Variants in MAP3K13 observed in about 807,000 individuals in gnomAD.
The protein encoded by MAP3K13 is mitogen-activated protein kinase kinase kinase 13, also known as leucine zipper-bearing kinase.
Under a neutral mutation model 104.0 loss-of-function variants are expected in MAP3K13, and 52 were observed. The observed-to-expected ratio is 0.50, with a 90% CI of 0.40 to 0.63. The LOEUF (loss-of-function observed/expected upper bound fraction) is 0.63, where lower values mean the gene tolerates loss of function less well. Ranked by LOEUF, MAP3K13 falls within the 20% of genes least tolerant of loss-of-function variation. The pLI is 0.00. For missense variants in MAP3K13, 914 were observed against 1,218.5 expected, an observed-to-expected ratio of 0.75 and a Z score of 3.72; for synonymous variants, 394 against 442.2, an observed-to-expected ratio of 0.89 and a Z score of 1.37.
At chr3:185,437,032 A>G (rs4456882) in intron 2 of MAP3K13, among the ~76,000 whole-genome samples, 10 of 107,884 alleles carry the variant, frequency 9.3e-5, no homozygotes, top group Non-Finnish European at 1.7e-4. Flanking sequence ...AAAAAAAAAA[A>G]TTAGCAAAGA....
In MAP3K13 at chr3:185,480,216, T is replaced by C. The variant is rs926183457; in HGVS notation, c.2502-16T>C. 8.1e-6 allele frequency: 13 copies of C among 1,607,450 alleles called. No homozygotes were observed. The highest frequency in any genetic ancestry group is 1.7e-5 in the Admixed American group (1 of 59,646). ...TGTTCCTCTGACTAAGTTCTCCTGG[T>C]TCTTCTTGGTTCTAGGCCCCATCGC... On this transcript the variant is annotated splice_polypyrimidine_tract_variant and intron_variant, in intron 12 of 13. Coordinates refer to ENST00000265026, the MANE Select transcript of MAP3K13 (RefSeq NM_004721.5).
intron 2 of MAP3K13, among the ~76,000 whole-genome samples, chr3:185,436,253 C>T (rs1430485358): frequency 1.3e-5 from 2 of 152,112 alleles, no homozygotes; most frequent in South Asian, 4.1e-4. Flanking sequence ...ATATGAAGCA[C>T]TAATAATGCC....
At chr3:185,338,026 G>A (rs1722575784) in intron 2 of MAP3K13, among the ~76,000 whole-genome samples, 1 of 152,010 alleles carries the variant, frequency 6.6e-6, no homozygotes, top group African/African-American at 2.4e-5. Flanking sequence ...GAGACCCATA[G>A]GAATAAACAT....
chr3:185,424,635 A>G (rs1714313251), intron 1 of MAP3K13, among the ~76,000 whole-genome samples: 1 of 152,240 alleles, frequency 6.6e-6, no homozygotes, highest in South Asian at 2.1e-4. Flanking sequence ...CAGGGAAATG[A>G]GCAAACACTA....
In MAP3K13 at chr3:185,418,447, C is replaced by T; in HGVS notation, c.-85-10050C>T. On this transcript the variant is annotated intron_variant, in intron 1 of 13. Coordinates refer to ENST00000265026, the MANE Select transcript of MAP3K13 (RefSeq NM_004721.5). The surrounding 1 kb of genome is among the most constrained non-coding windows in gnomAD (Gnocchi z 4.5). ...TTGGGTTGTGTTCACTCTACGATGC[C>T]AACGGCGCCAGGTTTTGGTTGGTGC... 1 of 1,610,586 alleles carries T rather than the reference C, an allele frequency of 6.2e-7. No homozygotes were observed. Among genetic ancestry groups the T allele is most frequent in the East Asian group, 2.2e-5 (1 of 44,878 alleles).
At position 185,428,600 on chromosome 3, in the gene MAP3K13, C is replaced by A; in HGVS notation, c.19C>A (p.His7Asn). The A allele has an allele frequency of 6.3e-7, 1 of 1,598,556 alleles. No homozygotes were observed. Among genetic ancestry groups the A allele is most frequent in the Non-Finnish European group, 8.5e-7 (1 of 1,170,542 alleles). MANFQE[H>N]LSCSSSPHLP... ...TGGCACGATGGCCAACTTTCAGGAG[C>A]ACCTGAGCTGCTCCTCTTCTCCACA... The change falls in exon 2 of 14, where the codon CAC (histidine) becomes AAC (asparagine). Residue 7 changes from histidine to asparagine, a missense_variant. This residue lies in a region of MAP3K13 where 156 missense variants were observed against 159.8 expected (regional missense o/e 0.98). Coordinates refer to ENST00000265026, the MANE Select transcript of MAP3K13 (RefSeq NM_004721.5).
At chr3:185,391,128 A>C (rs1405556070) in intron 1 of MAP3K13, among the ~76,000 whole-genome samples, 1 of 152,134 alleles carries the variant, frequency 6.6e-6, no homozygotes, top group Non-Finnish European at 1.5e-5. Context: ...CATTAAGTAC[A>C]TTGATGTTGT....
chr3:185,422,124 C>T (rs933326785), intron 1 of MAP3K13, among the ~76,000 whole-genome samples: 1 of 152,204 alleles, frequency 6.6e-6, no homozygotes, highest in East Asian at 1.9e-4. Context: ...AGGGTCACCC[C>T]GCTAGGTAGG....
chr3:185,454,994 T>TATATG, intron 7 of MAP3K13, among the ~76,000 whole-genome samples: 2 of 43,718 alleles, frequency 4.6e-5, no homozygotes, highest in African/African-American at 1.1e-4. Flanking sequence ...ATGAGATATA[T>TATATG]ATGATATATA....
At chr3:185,352,365 A>G (rs984667572) in intron 2 of MAP3K13, among the ~76,000 whole-genome samples, 1 of 151,908 alleles carries the variant, frequency 6.6e-6, no homozygotes, top group African/African-American at 2.4e-5. Context: ...AATCACTTGA[A>G]CCCAGGAGGC....
At chr3:185,377,010 C>T (rs1033187760) in intron 1 of MAP3K13, among the ~76,000 whole-genome samples, 38 of 151,986 alleles carry the variant, frequency 2.5e-4, no homozygotes, top group African/African-American at 9.2e-4. Flanking sequence ...GTAAAGAAGA[C>T]ATGTTTGAAA....
At chr3:185,442,010 G>C (rs13095446) in intron 3 of MAP3K13, among the ~76,000 whole-genome samples, 1 of 148,586 alleles carries the variant, frequency 6.7e-6, no homozygotes, top group African/African-American at 2.5e-5. Flanking sequence ...CACTGCACTC[G>C]AACCTGGGTG....
chr3:185,374,568 G>A (rs1560071930), intron 1 of MAP3K13, among the ~76,000 whole-genome samples: 1 of 152,162 alleles, frequency 6.6e-6, no homozygotes, highest in Non-Finnish European at 1.5e-5. Context: ...GGTATTAAAG[G>A]ACTAAGAATC....
upstream of MAP3K13, among the ~76,000 whole-genome samples, chr3:185,359,430 T>C (rs545461450): frequency 6.0e-4 from 91 of 152,262 alleles, no homozygotes; most frequent in Middle Eastern, 3.4e-3. Flanking sequence ...AGATTTATTA[T>C]AAGCAAAATA....
intron 2 of MAP3K13, among the ~76,000 whole-genome samples, chr3:185,305,674 G>A (rs919935890): frequency 1.3e-5 from 2 of 152,102 alleles, no homozygotes; most frequent in Middle Eastern, 3.2e-3. Flanking sequence ...TTCTTGTAAG[G>A]CAGCTCTAGT....
intron 7 of MAP3K13, among the ~76,000 whole-genome samples, chr3:185,451,867 C>CAAA (rs1265471490): frequency 1.8e-5 from 1 of 54,842 alleles, no homozygotes; most frequent in Non-Finnish European, 4.0e-5. Flanking sequence ...AACACCGCCT[C>CAAA]AAAAAAAAAA....
At chr3:185,310,546 A>G (rs563857985) in intron 2 of MAP3K13, among the ~76,000 whole-genome samples, 7 of 152,340 alleles carry the variant, frequency 4.6e-5, no homozygotes, top group Admixed American at 3.9e-4. Flanking sequence ...AGAGAAATGT[A>G]AACTCTAAAA....
At chr3:185,393,637 T>G (rs1049670090) in intron 1 of MAP3K13, among the ~76,000 whole-genome samples, 3 of 152,024 alleles carry the variant, frequency 2.0e-5, no homozygotes, top group African/African-American at 4.8e-5. Flanking sequence ...TTTTTGTATT[T>G]TTAGTAGAGT....
At chr3:185,440,472 T>C (rs2148890826) in intron 3 of MAP3K13, among the ~76,000 whole-genome samples, 1 of 152,288 alleles carries the variant, frequency 6.6e-6, no homozygotes, top group South Asian at 2.1e-4. Flanking sequence ...GTAATGATAA[T>C]TAATCATTTG....
Sources: allele counts gnomAD v4.1 joint callset (sites outside exome capture counted in the v4.1 genomes callset), GRCh38; gene constraint gnomAD v4.1.1; regional missense constraint gnomAD v4.1.1; non-coding constraint Gnocchi (gnomAD v3.1); transcripts MANE v1.5; gene names NCBI Gene and HGNC (gene_info 2026-07-23, HGNC 2026-07-21).